The following PALM variants were observed in gnomAD, a reference collection of about 807,000 sequenced individuals.
PALM encodes the protein paralemmin-1.
PALM carries 18 observed loss-of-function variants against 30.7 expected under a neutral mutation model. That is an observed-to-expected ratio of 0.59 (90% CI 0.41 to 0.87). The LOEUF is 0.87. PALM is among the 40% of genes least tolerant of loss of function. PALM has a pLI of 0.00. For missense variants in PALM, 529 were observed against 555.4 expected, an observed-to-expected ratio of 0.95 and a Z score of 0.48; for synonymous variants, 286 against 242.8, an observed-to-expected ratio of 1.18 and a Z score of -1.66.
rs71174319 is a variant in PALM, at chr19:727,231, T to TGACCCC, written c.138+161_138+166dup. 154 of 593,226 alleles carry TGACCCC rather than the reference T, an allele frequency of 2.6e-4. 1 individual carries two copies. The highest frequency in any genetic ancestry group is 9.8e-4 in the Admixed American group (33 of 33,730). 36.7% of individuals were successfully genotyped at this position (593,226 alleles called of 1,614,324 possible). A position where few individuals can be genotyped will look rare whatever the true frequency, so the allele number is the denominator to read the frequency against. ...CCAGCCCTGACCCTGACCCCGACCC[T>TGACCCC]GACCCCGACCCCGACCCCGACCCTG... On this transcript the variant is annotated intron_variant, in intron 3 of 8. Coordinates refer to ENST00000338448, the MANE Select transcript of PALM (RefSeq NM_002579.3).
chr19:745,781 G>A (rs2033320984), intron 8 of PALM, among the ~76,000 whole-genome samples: 1 of 148,866 alleles, frequency 6.7e-6, no homozygotes, highest in East Asian at 2.0e-4. Context: ...ATTGTCGGCT[G>A]GGCCTGGTGG....
rs2031991530 is a variant in PALM at position 709,313 on chromosome 19, C to G, written c.5+162C>G. Among the ~76,000 whole-genome samples the G allele has an allele frequency of 1.3e-5, 2 of 151,320 alleles. No individual in the cohort carries two copies. The highest frequency in any genetic ancestry group is 3.0e-5 in the Non-Finnish European group (2 of 67,726). ...GGGCCGCAGCGCAGCCGGGAAGAGA[C>G]TCGGGCTGGGCCGCGCCTGCCGGGA... On this transcript the variant is annotated intron_variant, in intron 1 of 8. Transcript: ENST00000338448. The surrounding 1 kb of genome is among the most constrained non-coding windows in gnomAD (Gnocchi z 4.3).
chr19:728,458 G>A (rs2032764095), intron 4 of PALM, among the ~76,000 whole-genome samples: 1 of 152,212 alleles, frequency 6.6e-6, no homozygotes, highest in Non-Finnish European at 1.5e-5. Flanking sequence ...CATTTGCTTT[G>A]AAGAAAGCAC....
chr19:722,150 C>G lies in PALM; in HGVS notation c.6-3988C>G, dbSNP rs569391197. Among the ~76,000 whole-genome samples the G allele has an allele frequency of 2.0e-5, 3 of 150,630 alleles. No homozygotes were observed. In the East Asian group the frequency reaches 5.9e-4, roughly 30 times the overall value. ...AGCCAGGATGGTCTCGATCTCCTGACCTCGTGATCCGCCCGCCTCGGCCTC... is the reference window on the plus strand; with the variant it reads ...AGCCAGGATGGTCTCGATCTCCTGAGCTCGTGATCCGCCCGCCTCGGCCTC... On this transcript the variant is annotated intron_variant, in intron 1 of 8. Coordinates refer to ENST00000338448, the MANE Select transcript of PALM (RefSeq NM_002579.3).
rs772962279 is a variant in PALM at position 736,037 on chromosome 19, C to T, written c.461C>T (p.Thr154Met). The T allele has an allele frequency of 3.4e-5, 54 of 1,610,358 alleles. No individual in the cohort carries two copies. The highest frequency in any genetic ancestry group is 2.0e-4 in the Admixed American group (12 of 59,566). Residue 154 changes from threonine to methionine, a missense_variant, in exon 7 of 9, where the codon ACG becomes ATG. Transcript: ENST00000338448. ...CGTGCAGACAAGCGAGTCTCCAACACGCCCCTGAGGACGGTTGACGGCTCC... is the reference window on the plus strand; with the variant it reads ...CGTGCAGACAAGCGAGTCTCCAACATGCCCCTGAGGACGGTTGACGGCTCC... ...GTPKDKRVSN[T>M]PLRTVDGSPM...
chr19:730,011 C>T (rs1179598954), intron 4 of PALM, among the ~76,000 whole-genome samples: 1 of 152,208 alleles, frequency 6.6e-6, no homozygotes, highest in Non-Finnish European at 1.5e-5. Context: ...GGCTTGAGGC[C>T]TAGTTTGCTT....
intron 1 of PALM, among the ~76,000 whole-genome samples, chr19:716,790 G>A (rs1032564303): frequency 6.6e-6 from 1 of 152,144 alleles, no homozygotes; most frequent in Non-Finnish European, 1.5e-5. Flanking sequence ...ACACATGCAC[G>A]TATACACACA....
At chr19:729,510 G>T (rs1448449143) in intron 4 of PALM, among the ~76,000 whole-genome samples, 1 of 136,524 alleles carries the variant, frequency 7.3e-6, no homozygotes, top group Non-Finnish European at 1.5e-5. Context: ...CTGTCGCCCA[G>T]GCTGGAGTGC....
At chr19:713,900 C>A (rs1010940539) in intron 1 of PALM, among the ~76,000 whole-genome samples, 6 of 131,664 alleles carry the variant, frequency 4.6e-5, no homozygotes, top group African/African-American at 1.8e-4. Context: ...TTTTTTCTTT[C>A]TTTCTTTCTT....
At chr19:714,655 G>C (rs1378106383) in intron 1 of PALM, among the ~76,000 whole-genome samples, 1 of 151,806 alleles carries the variant, frequency 6.6e-6, no homozygotes, top group East Asian at 1.9e-4. Context: ...ACCGCGCCCA[G>C]CCTTCTTTTT....
At chr19:734,246 A>G in intron 6 of PALM, 52 bp downstream of exon 6, 1 of 1,576,966 alleles carries the variant, frequency 6.3e-7, no homozygotes. Context: ...TGGTGGCCAG[A>G]GAGGGGATGG....
At chr19:721,046 C>G (rs1322571062) in intron 1 of PALM, among the ~76,000 whole-genome samples, 1 of 152,188 alleles carries the variant, frequency 6.6e-6, no homozygotes, top group Non-Finnish European at 1.5e-5. Context: ...CACGCTGTGC[C>G]CTCCCTGGAC....
chr19:732,661 TC>T (rs1441412258), intron 5 of PALM, among the ~76,000 whole-genome samples: 1 of 151,652 alleles, frequency 6.6e-6, no homozygotes, highest in Admixed American at 6.6e-5. Context: ...GCCACTACAC[TC>T]CAGCCTGGGA....
chr19:737,116 G>A (rs1398723409), intron 7 of PALM, among the ~76,000 whole-genome samples: 1 of 152,220 alleles, frequency 6.6e-6, no homozygotes, highest in Non-Finnish European at 1.5e-5. Context: ...GGACGGGACA[G>A]GGCTGGAAGG....
chr19:721,152 C>T lies in PALM; in HGVS notation c.6-4986C>T, dbSNP rs952482102. The stretch of plus-strand genomic sequence containing the variant: ...CTTGGTGCATAGCCAGGGGGCCCTG[C>T]AGGAGTAGACCAACGGGGGAAGTGA... On this transcript the variant is annotated intron_variant, in intron 1 of 8. Coordinates refer to ENST00000338448, the MANE Select transcript of PALM (RefSeq NM_002579.3). Among the ~76,000 whole-genome samples, 4 of 152,152 alleles carry T rather than the reference C, an allele frequency of 2.6e-5. No homozygotes were observed. The South Asian group carries it at 8.3e-4, about 32-fold the overall frequency.
chr19:727,959 C>T (rs1037453527), intron 4 of PALM: 32 of 411,528 alleles, frequency 7.8e-5, no homozygotes, highest in Middle Eastern at 6.2e-4. Context: ...CTTCCCACCG[C>T]CCTCGTTTGA....
intron 7 of PALM, 53 bp downstream of exon 7, chr19:736,131 A>C: frequency 5.7e-6 from 5 of 870,064 alleles, no homozygotes; most frequent in Non-Finnish European, 8.9e-6. Flanking sequence ...TCAGGGACCA[A>C]GTCTCGGTCC....
At position 709,964 on chromosome 19, in the gene PALM, A is replaced by C. The variant is rs559453512; in HGVS notation, c.5+813A>C. 6.6e-6 allele frequency among the ~76,000 whole-genome samples: 1 copy of C among 151,690 alleles called. No homozygotes were observed. The highest frequency in any genetic ancestry group is 2.4e-5 in the African/African-American group (1 of 41,304). ...GAGCGAGGGCGCGTGGTCATTTCGG[A>C]CACCGGTCCCCTCCTCCCGGTGCTC... On this transcript the variant is annotated intron_variant, in intron 1 of 8. Coordinates refer to ENST00000338448, the MANE Select transcript of PALM (RefSeq NM_002579.3). The surrounding 1 kb of genome is among the most constrained non-coding windows in gnomAD (Gnocchi z 4.3).
At chr19:732,271 C>T (rs1214559523) in intron 5 of PALM, among the ~76,000 whole-genome samples, 1 of 152,190 alleles carries the variant, frequency 6.6e-6, no homozygotes, top group Non-Finnish European at 1.5e-5. Context: ...GAACAGTATC[C>T]CCGTGTGATG....
Sources: allele counts gnomAD v4.1 joint callset (sites outside exome capture counted in the v4.1 genomes callset), GRCh38; gene constraint gnomAD v4.1.1; non-coding constraint Gnocchi (gnomAD v3.1); transcripts MANE v1.5; gene names NCBI Gene and HGNC (gene_info 2026-07-23, HGNC 2026-07-21).